The following WWC2 variants were observed in gnomAD, a reference collection of about 807,000 sequenced individuals.
WWC2 encodes protein WWC2.
Under a neutral mutation model 138.5 loss-of-function variants are expected in WWC2, and 101 were observed. The ratio of observed to expected loss-of-function variants is 0.73; its 90% CI spans 0.62 to 0.86. WWC2 has a LOEUF of 0.86. Among genes scored for constraint, WWC2 ranks in the 40% least tolerant of loss-of-function variants. The pLI, the probability that WWC2 is intolerant of heterozygous loss-of-function variation, is 0.00. For missense variants in WWC2, 1,420 were observed against 1,419.4 expected, an observed-to-expected ratio of 1.00 and a Z score of -0.01; for synonymous variants, 558 against 538.4, an observed-to-expected ratio of 1.04 and a Z score of -0.50.
At chr4:183,303,237 C>A (rs1413346380) in intron 21 of WWC2, among the ~76,000 whole-genome samples, 1 of 152,110 alleles carries the variant, frequency 6.6e-6, no homozygotes, top group Admixed American at 6.5e-5. Flanking sequence ...TGTAAGACAG[C>A]GTTGCAAGTA....
intron 21 of WWC2, among the ~76,000 whole-genome samples, chr4:183,303,112 A>G (rs1738912065): frequency 6.6e-6 from 1 of 151,940 alleles, no homozygotes; most frequent in Non-Finnish European, 1.5e-5. Flanking sequence ...GGAGATAACA[A>G]CTGTTTTTGA....
chr4:183,102,591 G>A (rs1250011129), intron 1 of WWC2, among the ~76,000 whole-genome samples: 7 of 152,108 alleles, frequency 4.6e-5, no homozygotes, highest in African/African-American at 1.4e-4. Context: ...AAATTGTCTC[G>A]ACGCTTGCGC....
chr4:183,248,711 C>T lies in WWC2; in HGVS notation c.733-3C>T. Reference sequence around the variant, plus strand: ...TATGAAACACTTTGTGTTTTCTGAACAGAGTCTTGCTAAGCTGCAGGAGCG... The same window carrying T: ...TATGAAACACTTTGTGTTTTCTGAATAGAGTCTTGCTAAGCTGCAGGAGCG... On this transcript the variant is annotated splice_polypyrimidine_tract_variant and splice_region_variant and intron_variant, in intron 6 of 22. Coordinates refer to ENST00000403733, the MANE Select transcript of WWC2 (RefSeq NM_024949.6). 6.3e-7 allele frequency: 1 copy of T among 1,589,034 alleles called. No homozygotes were observed. The highest frequency in any genetic ancestry group is 8.6e-7 in the Non-Finnish European group (1 of 1,165,052).
chr4:183,280,475 C>T (rs1275810905), intron 16 of WWC2, among the ~76,000 whole-genome samples: 1 of 152,020 alleles, frequency 6.6e-6, no homozygotes, highest in Non-Finnish European at 1.5e-5. Flanking sequence ...CCATGTACCT[C>T]ACCACTAGAA....
intron 1 of WWC2, among the ~76,000 whole-genome samples, chr4:183,101,485 TG>T (rs1743179069): frequency 6.6e-6 from 1 of 152,240 alleles, no homozygotes; most frequent in Non-Finnish European, 1.5e-5. Flanking sequence ...TCCTTGCAGC[TG>T]TTAGGTCTTA....
intron 1 of WWC2, among the ~76,000 whole-genome samples, chr4:183,149,195 A>G (rs1176101749): frequency 6.6e-6 from 1 of 152,166 alleles, no homozygotes; most frequent in Non-Finnish European, 1.5e-5. Flanking sequence ...CAGCCACCCC[A>G]GAAGCCTTTT....
At chr4:183,146,337 A>G (rs2111106546) in intron 1 of WWC2, among the ~76,000 whole-genome samples, 2 of 152,344 alleles carry the variant, frequency 1.3e-5, no homozygotes, top group Middle Eastern at 6.8e-3. Flanking sequence ...CAGAGAAAAA[A>G]AAGAAGGAGG....
At chr4:183,188,598 C>G (rs547233948) in intron 1 of WWC2, among the ~76,000 whole-genome samples, 1 of 149,392 alleles carries the variant, frequency 6.7e-6, no homozygotes, top group East Asian at 2.0e-4. Flanking sequence ...AATATGATCT[C>G]TCTCTCTCTA....
rs575955234 is a variant in WWC2, at chr4:183,237,718, GAT to G, written c.523-2462_523-2461del. Reference sequence around the variant, plus strand: ...ATAAACATTCAGGTTAAACTCAACGGATATGTTATTGAATATCTGCTTTGTCC... The same window carrying G: ...ATAAACATTCAGGTTAAACTCAACGGATGTTATTGAATATCTGCTTTGTCC... On this transcript the variant is annotated intron_variant, in intron 4 of 22. Transcript: ENST00000403733. Among the ~76,000 whole-genome samples, 11 of 152,278 alleles carry G rather than the reference GAT, an allele frequency of 7.2e-5. No homozygotes were observed. In the East Asian group the frequency reaches 1.9e-3, roughly 27 times the overall value.
chr4:183,165,431 A>G lies in WWC2; in HGVS notation c.132-28168A>G, dbSNP rs376872507. Among the ~76,000 whole-genome samples, 17 of 152,330 alleles carry G rather than the reference A, an allele frequency of 1.1e-4. No homozygotes were observed. The South Asian group carries it at 3.3e-3, about 30-fold the overall frequency. On this transcript the variant is annotated intron_variant, in intron 1 of 22. Coordinates refer to ENST00000403733, the MANE Select transcript of WWC2 (RefSeq NM_024949.6). ...CTAGGCTTGAGAAGCTGTTTAAGCC[A>G]GGCTAAATACAACTTTAGTGGAGAT...
At chr4:183,260,035 A>C (rs949642362) in intron 10 of WWC2, among the ~76,000 whole-genome samples, 2 of 152,196 alleles carry the variant, frequency 1.3e-5, no homozygotes, top group Non-Finnish European at 2.9e-5. Context: ...CTTTGCCTTA[A>C]AATAGCCATA....
intron 1 of WWC2, among the ~76,000 whole-genome samples, chr4:183,119,292 T>C (rs1732525039): frequency 6.6e-6 from 1 of 152,194 alleles, no homozygotes; most frequent in African/African-American, 2.4e-5. Context: ...CTTCTCCAGT[T>C]AAAGGCATGG....
intron 4 of WWC2, among the ~76,000 whole-genome samples, chr4:183,211,322 T>TA (rs1249212058): frequency 3.9e-5 from 6 of 152,166 alleles, no homozygotes; most frequent in Non-Finnish European, 7.3e-5. Flanking sequence ...CTATTAAAAT[T>TA]AAAAAAAGTT....
At position 183,319,337 on chromosome 4, in the gene WWC2, T is replaced by G. The variant is rs538043173; in HGVS notation, c.*3608T>G. 1 of 516,018 alleles carries G rather than the reference T, an allele frequency of 1.9e-6. No individual in the cohort carries two copies. Among genetic ancestry groups the G allele is most frequent in the Non-Finnish European group, 3.4e-6 (1 of 295,960 alleles). The allele number at this position is 516,018 out of a possible 1,614,324, so 32.0% of individuals were successfully genotyped here. On this transcript the variant is annotated 3_prime_UTR_variant, in exon 23 of 23. Coordinates refer to ENST00000403733, the MANE Select transcript of WWC2 (RefSeq NM_024949.6). ...TAAAATTGAGAAAACTCATCCACAG[T>G]AATGGGTGTCATTACTATTCAGTCT...
intron 4 of WWC2, among the ~76,000 whole-genome samples, chr4:183,226,415 T>C (rs1359299500): frequency 6.6e-6 from 1 of 152,082 alleles, no homozygotes; most frequent in East Asian, 1.9e-4. Flanking sequence ...AATAGAAATA[T>C]AGAAATAGAA....
intron 1 of WWC2, among the ~76,000 whole-genome samples, chr4:183,133,413 C>G (rs1291492306): frequency 6.6e-6 from 1 of 152,050 alleles, no homozygotes; most frequent in Admixed American, 6.6e-5. Context: ...TGTCTTAATG[C>G]CAGTTAAGTG....
In WWC2 at chr4:183,261,347, A is replaced by T; in HGVS notation, c.1724A>T (p.Asp575Val). ...ACGTTTCCCATGTCTTCTTCTCATG[A>T]TGCCTCTCTCCATCAGTTCACTGCT... ...EGTFPMSSSH[D>V]ASLHQFTADF... Residue 575 changes from aspartate to valine, a missense_variant, in exon 11 of 23, where the codon GAT becomes GTT. Transcript: ENST00000403733. The T allele has an allele frequency of 6.2e-7, 1 of 1,613,364 alleles. No homozygotes were observed. Among genetic ancestry groups the T allele is most frequent in the Non-Finnish European group, 8.5e-7 (1 of 1,179,682 alleles).
intron 22 of WWC2, among the ~76,000 whole-genome samples, chr4:183,314,795 A>G (rs1739378939): frequency 1.3e-5 from 2 of 152,162 alleles, no homozygotes; most frequent in South Asian, 4.1e-4. Flanking sequence ...GAATTGAACA[A>G]ATTTAAAGGA....
chr4:183,188,295 G>A (rs2111199133), intron 1 of WWC2, among the ~76,000 whole-genome samples: 1 of 151,966 alleles, frequency 6.6e-6, no homozygotes, highest in East Asian at 1.9e-4. Context: ...CTGGAGTGCA[G>A]TGGCACAATC....
Sources: gnomAD v4.1 joint callset for allele counts (sites outside exome capture counted in the v4.1 genomes callset) on GRCh38, gnomAD v4.1.1 for gene constraint, MANE v1.5 for transcripts, NCBI Gene and HGNC (gene_info 2026-07-23, HGNC 2026-07-21) for gene names.